The following CACNA1D variants were observed in gnomAD, a reference collection of about 807,000 sequenced individuals.
The protein encoded by CACNA1D is voltage-dependent L-type calcium channel subunit alpha-1D.
A neutral mutation model predicts 257.1 loss-of-function variants in CACNA1D; 55 were observed. The observed-to-expected ratio is 0.21, with a 90% confidence interval of 0.17 to 0.27. The LOEUF is 0.27. CACNA1D is among the 10% of genes least tolerant of loss of function. CACNA1D has a pLI of 1.00. For synonymous variants in CACNA1D, 980 were observed against 1,014.9 expected (o/e 0.97, Z 0.65); for missense variants, 1,876 against 2,784.0 (o/e 0.67, Z 7.34).
At chr3:53,730,585 T>C (rs752958156) in intron 16 of CACNA1D, 29 bp downstream of exon 16, 1 of 1,510,968 alleles carries the variant, frequency 6.6e-7, no homozygotes, top group Non-Finnish European at 9.2e-7. Flanking sequence ...GACGTGTTTG[T>C]CCAGGGGCTG....
intron 3 of CACNA1D, among the ~76,000 whole-genome samples, chr3:53,627,058 T>C (rs944301540): frequency 3.9e-5 from 6 of 152,226 alleles, no homozygotes; most frequent in African/African-American, 1.4e-4. Flanking sequence ...TCTTCCTGGT[T>C]GGTTTTTGCA....
chr3:53,704,191 G>C (rs920654542), intron 9 of CACNA1D, among the ~76,000 whole-genome samples: 1 of 152,130 alleles, frequency 6.6e-6, no homozygotes. Flanking sequence ...GGGGCTGAGA[G>C]ACCCCTGGTG....
At chr3:53,659,532 C>T (rs1387960168) in intron 4 of CACNA1D, among the ~76,000 whole-genome samples, 7 of 152,192 alleles carry the variant, frequency 4.6e-5, no homozygotes, top group African/African-American at 1.7e-4. Flanking sequence ...CTGTAATAGG[C>T]ACTAGACTAG....
At chr3:53,541,701 G>A (rs9821489) in intron 3 of CACNA1D, among the ~76,000 whole-genome samples, 22,995 of 152,094 alleles carry the variant, frequency 0.15, 5,227 homozygotes, top group African/African-American at 0.5. Context: ...TGTTTCGTGA[G>A]CACCTGTGTT....
chr3:53,501,751 G>A, intron 3 of CACNA1D, 31 bp downstream of exon 3: 1 of 1,202,554 alleles, frequency 8.3e-7, no homozygotes, highest in Non-Finnish European at 1.2e-6. Flanking sequence ...TGCTGGTCCT[G>A]GTATATGGTT....
intron 3 of CACNA1D, among the ~76,000 whole-genome samples, chr3:53,649,528 C>T (rs191442741): frequency 6.6e-6 from 1 of 152,098 alleles, no homozygotes; most frequent in East Asian, 1.9e-4. Context: ...CCTCCACACA[C>T]CTCCCCCCCA....
intron 26 of CACNA1D, among the ~76,000 whole-genome samples, chr3:53,748,438 C>G (rs2095192884): frequency 6.6e-6 from 1 of 152,116 alleles, no homozygotes; most frequent in African/African-American, 2.4e-5. Flanking sequence ...GGATTTAATC[C>G]TGGGAGAACA....
intron 40 of CACNA1D, among the ~76,000 whole-genome samples, chr3:53,799,116 A>G (rs558805471): frequency 1.3e-5 from 2 of 152,370 alleles, no homozygotes; most frequent in Non-Finnish European, 1.5e-5. Context: ...AGCTGTGGAC[A>G]GACTGCCAGT....
chr3:53,513,582 C>T lies in CACNA1D; in HGVS notation c.483+11862C>T, dbSNP rs531320496. 1.6e-4 allele frequency among the ~76,000 whole-genome samples: 24 copies of T among 152,210 alleles called. 1 individual carries two copies. In the South Asian group the frequency reaches 4.8e-3, roughly 30 times the overall value. ...CTGGGTGATGGAGATTGCAGTAAGC[C>T]GAGATTGTGCCACTTTATTCCATCC... is the stretch of plus-strand genomic sequence containing the variant. On this transcript the variant is annotated intron_variant, in intron 3 of 47. Transcript: ENST00000350061.
chr3:53,618,767 C>T (rs750126738), intron 3 of CACNA1D, among the ~76,000 whole-genome samples: 27 of 152,178 alleles, frequency 1.8e-4, no homozygotes, highest in African/African-American at 4.3e-4. Context: ...TTCTGTCTGG[C>T]GCTTTATCAT....
At chr3:53,804,802 C>T (rs2095553860) in intron 44 of CACNA1D, among the ~76,000 whole-genome samples, 181 bp from the exon 45 acceptor site, 2 of 152,216 alleles carry the variant, frequency 1.3e-5, no homozygotes, top group South Asian at 4.1e-4. Context: ...GGCCTCCAGT[C>T]CTGTAATGGC....
rs72556357 is a variant in CACNA1D at position 53,749,187 on chromosome 3, G to A, written c.3315-81G>A. 3.8e-3 allele frequency: 3,592 copies of A among 956,528 alleles called. 82 individuals carry two copies. In the African/African-American group the frequency reaches 0.051, roughly 14 times the overall value. The allele number at this position is 956,528 out of a possible 1,614,324, so 59.3% of individuals were successfully genotyped here. On this transcript the variant is annotated intron_variant, in intron 26 of 47. Transcript: ENST00000350061. ...GTGCTCATGAGAGGAGTTCTGGAGA[G>A]GGAGGACCTGGGAAGGCAGCGGGCT...
At chr3:53,781,726 G>C in intron 39 of CACNA1D, 59 bp downstream of exon 39, 1 of 1,148,714 alleles carries the variant, frequency 8.7e-7, no homozygotes, top group African/African-American at 1.5e-5. Flanking sequence ...TAATGCTAGT[G>C]TCTCCAGAAA....
intron 3 of CACNA1D, among the ~76,000 whole-genome samples, chr3:53,537,026 C>T (rs2092134565): frequency 6.6e-6 from 1 of 152,162 alleles, no homozygotes. Flanking sequence ...AGTCTCACTG[C>T]TCAGACTATG....
rs532079340 is a variant in CACNA1D, at chr3:53,800,731, G to T, written c.5041-327G>T. ...CTGCCAGCTGGCTGTCAGTCCCCCA[G>T]CCCAGAGAGCATGCCCAACCTTGGG... On this transcript the variant is annotated intron_variant, in intron 41 of 47. Transcript: ENST00000350061. This position sits in a 1 kb window ranked among gnomAD's most constrained non-coding sequence, Gnocchi z 4.3. The T allele has an allele frequency of 1.2e-5, 6 of 504,862 alleles. No individual in the cohort carries two copies. The highest frequency in any genetic ancestry group is 2.2e-5 in the Non-Finnish European group (6 of 277,766). The allele number at this position is 504,862 out of a possible 1,614,324, so 31.3% of individuals were successfully genotyped here. A position where few individuals can be genotyped will look rare whatever the true frequency, so the allele number is the denominator to read the frequency against.
At chr3:53,797,840 T>C (rs1409597608) in intron 40 of CACNA1D, 2 of 152,248 alleles carry the variant, frequency 1.3e-5, no homozygotes, top group African/African-American at 4.8e-5. Flanking sequence ...TTGTTTAAAC[T>C]TGGGAGCATT....
chr3:53,498,862 CT>C (rs2090462483), intron 2 of CACNA1D, among the ~76,000 whole-genome samples: 2 of 152,160 alleles, frequency 1.3e-5, no homozygotes, highest in African/African-American at 2.4e-5. Flanking sequence ...GCAGATGTCC[CT>C]TCTCTAGAGT....
intron 3 of CACNA1D, among the ~76,000 whole-genome samples, chr3:53,649,156 C>A (rs1001296899): frequency 1.3e-5 from 2 of 152,116 alleles, no homozygotes; most frequent in African/African-American, 4.8e-5. Flanking sequence ...GCAGCACAGG[C>A]AAGGCTTCCA....
chr3:53,559,945 A>G (rs1575868578), intron 3 of CACNA1D, among the ~76,000 whole-genome samples: 1 of 141,442 alleles, frequency 7.1e-6, no homozygotes, highest in South Asian at 2.3e-4. Flanking sequence ...AGTTTTAGGT[A>G]CCTGCTCCGC....
Sources: allele counts gnomAD v4.1 joint callset (sites outside exome capture counted in the v4.1 genomes callset), GRCh38; gene constraint gnomAD v4.1.1; non-coding constraint Gnocchi (gnomAD v3.1); transcripts MANE v1.5; gene names NCBI Gene and HGNC (gene_info 2026-07-23, HGNC 2026-07-21).